CDK5RAP3: variants seen among roughly 807,000 people sequenced by gnomAD.
CDK5RAP3 encodes the protein CDK5 regulatory subunit-associated protein 3.
CDK5RAP3 carries 58 observed loss-of-function variants against 73.3 expected under a neutral mutation model. The ratio of observed to expected loss-of-function variants is 0.79; its 90% confidence interval spans 0.64 to 0.98. The LOEUF (loss-of-function observed/expected upper bound fraction) is 0.98. Ranked by LOEUF, CDK5RAP3 falls within the 50% of genes least tolerant of loss-of-function variation. The pLI is 0.00. For missense variants in CDK5RAP3, 525 were observed against 615.8 expected, an observed-to-expected ratio of 0.85 and a Z score of 1.56; for synonymous variants, 224 against 247.5, an observed-to-expected ratio of 0.91 and a Z score of 0.89.
At chr17:47,969,580 A>AG (rs1258108636), upstream of CDK5RAP3, among the ~76,000 whole-genome samples, 5 of 131,326 alleles carry the variant, frequency 3.8e-5, no homozygotes, top group African/African-American at 1.5e-4. Flanking sequence ...AAAAAAAAAA[A>AG]AAAAGAAAAG....
At chr17:47,976,971 CAG>C in intron 9 of CDK5RAP3, 149 bp downstream of exon 9, 2 of 483,188 alleles carry the variant, frequency 4.1e-6, no homozygotes, top group East Asian at 8.0e-5. Context: ...CGTCACATGT[CAG>C]AGTTTTGTTT....
intron 11 of CDK5RAP3, chr17:47,979,816 C>T (rs1481624601): frequency 6.6e-6 from 1 of 152,162 alleles, no homozygotes; most frequent in Non-Finnish European, 1.5e-5. Flanking sequence ...CTCTTTCTGC[C>T]CAGAGGCTCC....
At chr17:47,971,034 T>A (rs544542293), upstream of CDK5RAP3, 10 of 1,529,548 alleles carry the variant, frequency 6.5e-6, no homozygotes, top group East Asian at 2.0e-4. Context: ...GGCGGCGACG[T>A]GGCCGAAGGA....
At chr17:47,971,546 G>C (rs2036268148) in intron 2 of CDK5RAP3, 139 bp downstream of exon 2, 8 of 814,670 alleles carry the variant, frequency 9.8e-6, no homozygotes, top group Non-Finnish European at 1.5e-5. Context: ...TGCCCCATCT[G>C]TGGCCAGACC....
At position 47,981,322 on chromosome 17, in the gene CDK5RAP3, G is replaced by A; in HGVS notation, c.1443G>A (p.Glu481=). 3 of 1,614,148 alleles carry A rather than the reference G, an allele frequency of 1.9e-6. No individual in the cohort carries two copies. Among genetic ancestry groups the A allele is most frequent in the Non-Finnish European group, 2.5e-6 (3 of 1,179,962 alleles). The change falls in exon 13 of 14, where the codon GAG becomes GAA. Residue 481 remains glutamate (E), a synonymous_variant. Transcript: ENST00000338399. The part of the protein sequence containing the change: ...KLDLLLEKTK[E]LQKLIEADIS... ...ACCTGCTACTGGAGAAGACCAAGGA[G>A]CTGCAGAAGCTGGTGAGATGGGAAA... is the stretch of plus-strand genomic sequence containing the variant.
Position 47,975,630 on chromosome 17 carries a change from G to T in CDK5RAP3, c.630G>T (p.Ala210=). ...SLGEAIDVYQ[A]SVGFVCESPT... ...GGGAAGCCATTGACGTGTACCAGGCGTCTGTGGGGTTTGTGTGTGAGAGGT... is the reference window on the plus strand; with the variant it reads ...GGGAAGCCATTGACGTGTACCAGGCTTCTGTGGGGTTTGTGTGTGAGAGGT... Residue 210 remains alanine, a synonymous_variant, in exon 7 of 14, where the codon GCG becomes GCT. Coordinates refer to ENST00000338399, the MANE Select transcript of CDK5RAP3 (RefSeq NM_176096.3). 1 of 1,603,772 alleles carries T rather than the reference G, an allele frequency of 6.2e-7. No homozygotes were observed. Among genetic ancestry groups the T allele is most frequent in the Non-Finnish European group, 8.5e-7 (1 of 1,178,864 alleles).
At chr17:47,978,002 G>A in intron 10 of CDK5RAP3, 92 bp downstream of exon 10, 1 of 881,092 alleles carries the variant, frequency 1.1e-6, no homozygotes. Context: ...CTAAGATGAG[G>A]CTTCTTGCAC....
Position 47,981,001 on chromosome 17 carries a change from G to A in CDK5RAP3, c.1284-162G>A, listed in dbSNP as rs191170718. 157 of 873,822 alleles carry A rather than the reference G, an allele frequency of 1.8e-4. No homozygotes were observed. In the African/African-American group the frequency reaches 2.3e-3, roughly 13 times the overall value. The allele number at this position is 873,822 out of a possible 1,614,324, so 54.1% of individuals were successfully genotyped here. A position where few individuals can be genotyped will look rare whatever the true frequency, so the allele number is the denominator to read the frequency against. ...CTGCTTGCTTCCTGAGTAGGACAGG[G>A]GAACTGGGAGTGGGTTTTCCTTAAA... On this transcript the variant is annotated intron_variant, in intron 12 of 13. Transcript: ENST00000338399.
upstream of CDK5RAP3, chr17:47,970,581 C>T (rs2036236992): frequency 3.1e-6 from 4 of 1,294,934 alleles, no homozygotes; most frequent in Admixed American, 2.0e-5. Flanking sequence ...CTTCCTTCCC[C>T]TTCCCTGCCC....
chr17:47,978,838 G>A lies in CDK5RAP3; in HGVS notation c.998G>A (p.Gly333Asp). The A allele has an allele frequency of 6.2e-7, 1 of 1,613,726 alleles. No homozygotes were observed. Among genetic ancestry groups the A allele is most frequent in the South Asian group, 1.1e-5 (1 of 91,076 alleles). Residue 333 changes from glycine (G) to aspartate (D), a missense_variant, in exon 11 of 14, where the codon GGT becomes GAT. This residue lies in a region of CDK5RAP3 where 409 missense variants were observed against 429.8 expected (regional missense o/e 0.95). Transcript: ENST00000338399. ...TGTCTCTTCCTGGCAGCTCCAGAAG[G>A]TGTTGCCAGGGGCCCAGATGCCCTG... ...VLEAGTQAPE[G>D]VARGPDALTL...
intron 9 of CDK5RAP3, 54 bp from the exon 10 acceptor site, chr17:47,977,778 C>G: frequency 6.7e-7 from 1 of 1,494,054 alleles, no homozygotes; most frequent in Non-Finnish European, 9.3e-7. Context: ...ATTCTGGCTC[C>G]TTGGCTCAGG....
Position 47,973,991 on chromosome 17 carries a change from C to T in CDK5RAP3, c.245C>T (p.Thr82Met), listed in dbSNP as rs11545890. ...LDLLKGTEAS[T>M]KNIFGRYSSQ... Reference sequence around the variant, plus strand: ...CTTCTCAAAGGCACAGAGGCCTCCACGAAGAATATTTTTGGCCGATACTCT... The same window carrying T: ...CTTCTCAAAGGCACAGAGGCCTCCATGAAGAATATTTTTGGCCGATACTCT... Residue 82 changes from threonine to methionine, a missense_variant, in exon 4 of 14, where the codon ACG (threonine) becomes ATG (methionine). By Grantham distance (81) the Thr-to-Met change is moderately conservative (BLOSUM62 -1). Transcript: ENST00000338399. The T allele has an allele frequency of 2.1e-4, 332 of 1,614,080 alleles. No homozygotes were observed. Among genetic ancestry groups the T allele is most frequent in the South Asian group, 5.2e-4 (47 of 91,082 alleles).
chr17:47,973,959 C>G lies in CDK5RAP3; in HGVS notation c.213C>G (p.Ile71Met). The change falls in exon 4 of 14, where the codon ATC (isoleucine) becomes ATG (methionine). Residue 71 changes from isoleucine to methionine, a missense_variant. Physicochemically the swap from Ile to Met is conservative, Grantham distance 10 (BLOSUM62 1). This residue lies in a region of CDK5RAP3 where 409 missense variants were observed against 429.8 expected (regional missense o/e 0.95). Transcript: ENST00000338399. ...TTCACTACTTTCACTGCCTAAGAAT[C>G]CTGGACCTTCTCAAAGGCACAGAGG... ...SYIHYFHCLR[I>M]LDLLKGTEAS... 6.2e-7 allele frequency: 1 copy of G among 1,614,002 alleles called. No homozygotes were observed. Among genetic ancestry groups the G allele is most frequent in the Non-Finnish European group, 8.5e-7 (1 of 1,179,854 alleles).
intron 12 of CDK5RAP3, 90 bp downstream of exon 12, chr17:47,980,888 C>A: frequency 1.5e-6 from 2 of 1,348,546 alleles, no homozygotes; most frequent in Non-Finnish European, 2.1e-6. Context: ...CCTTAAACCC[C>A]ATCCCTGCCT....
intron 5 of CDK5RAP3, chr17:47,974,833 G>A: frequency 1.6e-6 from 2 of 1,271,152 alleles, no homozygotes; most frequent in Non-Finnish European, 2.0e-6. Context: ...AGCAACTACA[G>A]GACTAACTGT....
Position 47,976,001 on chromosome 17 carries a change from G to A in CDK5RAP3, c.786G>A (p.Val262=), listed in dbSNP as rs760961699. Residue 262 remains valine (V), a synonymous_variant, in exon 8 of 14, where the codon GTG becomes GTA. Coordinates refer to ENST00000338399, the MANE Select transcript of CDK5RAP3 (RefSeq NM_176096.3). ...ACCTCGAGGAGCTTCCTGAGCAGGT[G>A]GCAGAAGATGCGGTAAGATGGGCCT... ...RPHLEELPEQ[V]AEDAIDWGDF... is the part of the protein sequence containing the mutation. 5.0e-6 allele frequency: 8 copies of A among 1,613,894 alleles called. No individual in the cohort carries two copies. Among genetic ancestry groups the A allele is most frequent in the East Asian group, 2.2e-5 (1 of 44,900 alleles).
chr17:47,978,742 T>C, intron 10 of CDK5RAP3, 87 bp from the exon 11 acceptor site: 2 of 1,015,142 alleles, frequency 2.0e-6, no homozygotes, highest in Non-Finnish European at 3.1e-6. Flanking sequence ...TCTGTCCGTA[T>C]TAATCCTCCA....
In CDK5RAP3 at chr17:47,977,852, A is replaced by T. The variant is rs768861376; in HGVS notation, c.930A>T (p.Ile310=). 1.2e-6 allele frequency: 2 copies of T among 1,614,010 alleles called. No individual in the cohort carries two copies. The highest frequency in any genetic ancestry group is 2.2e-5 in the South Asian group (2 of 91,080). Residue 310 remains isoleucine (I), a synonymous_variant, in exon 10 of 14, where the codon ATA becomes ATT. Coordinates refer to ENST00000338399, the MANE Select transcript of CDK5RAP3 (RefSeq NM_176096.3). The stretch of plus-strand genomic sequence containing the variant: ...TCCAGGATCCTGGAGGTGATGGGAT[A>T]GACTGGGGAGACGATGCTGTTGCTT... ...SDSKDPGGDG[I]DWGDDAVALQ... is the part of the protein sequence containing the mutation.
At chr17:47,974,712 C>G (rs1392828823) in intron 5 of CDK5RAP3, 5 of 1,342,562 alleles carry the variant, frequency 3.7e-6, no homozygotes, top group Non-Finnish European at 4.8e-6. Flanking sequence ...CTCCACCACT[C>G]ACCTCTTGGT....
Sources: allele counts gnomAD v4.1 joint callset (sites outside exome capture counted in the v4.1 genomes callset), GRCh38; gene constraint gnomAD v4.1.1; regional missense constraint gnomAD v4.1.1; transcripts MANE v1.5; gene names NCBI Gene and HGNC (gene_info 2026-07-23, HGNC 2026-07-21).